FTO: variants seen among roughly 807,000 people sequenced by gnomAD.
FTO encodes FTO alpha-ketoglutarate dependent dioxygenase, also known as alpha-ketoglutarate-dependent dioxygenase FTO.
In FTO, 47 loss-of-function variants were observed where a neutral mutation model predicts 63.9. That is an observed-to-expected ratio of 0.74 (90% confidence interval 0.58 to 0.94). The LOEUF is 0.94. Among genes scored for constraint, FTO ranks in the 40% least tolerant of loss-of-function variants. The pLI is 0.00. For missense variants in FTO, 562 were observed against 618.1 expected (o/e 0.91, Z 0.96); for synonymous variants, 207 against 224.4 (o/e 0.92, Z 0.69).
At chr16:53,739,371 GTTT>G (rs57891950) in intron 1 of FTO, among the ~76,000 whole-genome samples, 2 of 137,222 alleles carry the variant, frequency 1.5e-5, no homozygotes, top group Admixed American at 1.5e-4. Flanking sequence ...ACACCTGGCT[GTTT>G]TTTTTTTTTT....
At chr16:53,883,507 AG>A (rs1054254325) in intron 6 of FTO, among the ~76,000 whole-genome samples, 14 of 151,568 alleles carry the variant, frequency 9.2e-5, no homozygotes, top group African/African-American at 3.4e-4. Context: ...CTGTAATCCC[AG>A]CTACTTGGGA....
chr16:53,793,731 AAAACAAACAAAC>A (rs144672139), intron 1 of FTO, among the ~76,000 whole-genome samples: 1 of 152,064 alleles, frequency 6.6e-6, no homozygotes, highest in Non-Finnish European at 1.5e-5. Flanking sequence ...ACTCCGTCTC[AAAACAAACAAAC>A]AAACAAACAA....
At chr16:53,754,633 G>C (rs537506158) in intron 1 of FTO, among the ~76,000 whole-genome samples, 1 of 151,208 alleles carries the variant, frequency 6.6e-6, no homozygotes, top group African/African-American at 2.4e-5. Flanking sequence ...GCGAGACTTC[G>C]TCTCAAAAAA....
At chr16:53,891,084 G>A (rs1295312560) in intron 7 of FTO, among the ~76,000 whole-genome samples, 3 of 151,122 alleles carry the variant, frequency 2.0e-5, no homozygotes, top group Non-Finnish European at 4.4e-5. Flanking sequence ...TCCGCCTCCC[G>A]AGTTCAAGTG....
chr16:54,088,581 T>C (rs1234825691), intron 8 of FTO, among the ~76,000 whole-genome samples: 1 of 152,212 alleles, frequency 6.6e-6, no homozygotes, highest in African/African-American at 2.4e-5. Flanking sequence ...CAAAAACAAC[T>C]ATGAGATATT....
intron 1 of FTO, among the ~76,000 whole-genome samples, chr16:53,809,455 A>G (rs1405144995): frequency 2.0e-5 from 3 of 152,176 alleles, no homozygotes; most frequent in East Asian, 3.9e-4. Flanking sequence ...ACAAGCTACT[A>G]TGTCTCAAGC....
At chr16:53,801,360 A>G (rs2078217878) in intron 1 of FTO, among the ~76,000 whole-genome samples, 1 of 151,472 alleles carries the variant, frequency 6.6e-6, no homozygotes, top group Non-Finnish European at 1.5e-5. Context: ...TATACTTTTC[A>G]TATCTCTTTG....
At chr16:53,724,985 G>A (rs1047254839) in intron 1 of FTO, among the ~76,000 whole-genome samples, 1 of 152,002 alleles carries the variant, frequency 6.6e-6, no homozygotes, top group Admixed American at 6.5e-5. Context: ...TAAATTCTTG[G>A]GTTACTTTTG....
intron 1 of FTO, among the ~76,000 whole-genome samples, chr16:53,803,241 T>C (rs2078272205): frequency 6.6e-6 from 1 of 152,234 alleles, no homozygotes; most frequent in Admixed American, 6.5e-5. Flanking sequence ...TGCATTTAAT[T>C]AGAAAGGAAC....
intron 4 of FTO, among the ~76,000 whole-genome samples, chr16:53,845,064 G>T (rs1173120617): frequency 6.6e-6 from 1 of 152,022 alleles, no homozygotes; most frequent in Non-Finnish European, 1.5e-5. Flanking sequence ...AGTTTGTGAG[G>T]CTTTGTTTTT....
chr16:53,794,289 C>T (rs1179492512), intron 1 of FTO, among the ~76,000 whole-genome samples: 1 of 152,192 alleles, frequency 6.6e-6, no homozygotes, highest in South Asian at 2.1e-4. Flanking sequence ...TACATACCTT[C>T]TGCTCTAAAT....
intron 1 of FTO, among the ~76,000 whole-genome samples, chr16:53,760,128 G>C (rs2077021949): frequency 6.6e-6 from 1 of 151,970 alleles, no homozygotes; most frequent in Non-Finnish European, 1.5e-5. Context: ...TTCTGTAGAT[G>C]GTGGCATGGG....
At chr16:54,067,814 T>C (rs747393958) in intron 8 of FTO, among the ~76,000 whole-genome samples, 4 of 152,244 alleles carry the variant, frequency 2.6e-5, no homozygotes, top group Admixed American at 6.5e-5. Context: ...CAAAGGTTCT[T>C]GTTTACTTTC....
At chr16:53,727,329 T>A (rs2076176084) in intron 1 of FTO, among the ~76,000 whole-genome samples, 1 of 152,234 alleles carries the variant, frequency 6.6e-6, no homozygotes, top group Non-Finnish European at 1.5e-5. Context: ...GCTCACAGGA[T>A]AAAACGTTTA....
chr16:53,747,334 C>G (rs1305184700), intron 1 of FTO, among the ~76,000 whole-genome samples: 2 of 152,158 alleles, frequency 1.3e-5, no homozygotes, highest in Non-Finnish European at 2.9e-5. Context: ...TCCCTTTTCT[C>G]AACATCCTCA....
chr16:54,038,716 T>A (rs2085002551), intron 8 of FTO, among the ~76,000 whole-genome samples: 1 of 152,172 alleles, frequency 6.6e-6, no homozygotes, highest in Non-Finnish European at 1.5e-5. Flanking sequence ...CTCCCCTCTC[T>A]CTCTTGTTCC....
At chr16:54,049,837 A>T (rs1457386372) in intron 8 of FTO, among the ~76,000 whole-genome samples, 3 of 152,166 alleles carry the variant, frequency 2.0e-5, no homozygotes, top group African/African-American at 7.2e-5. Flanking sequence ...GGGTGTTTTC[A>T]TGTAGAGCCT....
At chr16:53,786,154 T>C (rs11075992) in intron 1 of FTO, among the ~76,000 whole-genome samples, 61,954 of 151,860 alleles carry the variant, frequency 0.41, 13,063 homozygotes, top group African/African-American at 0.48. Context: ...CAGAGGCTTG[T>C]GTGAGAAAGT....
At chr16:53,834,413 A>G (rs2079233400) in intron 3 of FTO, among the ~76,000 whole-genome samples, 1 of 152,176 alleles carries the variant, frequency 6.6e-6, no homozygotes, top group Admixed American at 6.5e-5. Context: ...TGAGGCACTT[A>G]AATTCTATAC....
Sources: gnomAD v4.1 joint callset for allele counts (sites outside exome capture counted in the v4.1 genomes callset) on GRCh38, gnomAD v4.1.1 for gene constraint, MANE v1.5 for transcripts, NCBI Gene and HGNC (gene_info 2026-07-23, HGNC 2026-07-21) for gene names.